Variants in KANK3 observed in about 807,000 individuals in gnomAD.
The protein encoded by KANK3 is KN motif and ankyrin repeat domains 3, also known as KN motif and ankyrin repeat domain-containing protein 3.
A neutral mutation model predicts 65.4 loss-of-function variants in KANK3; 61 were observed. The observed-to-expected ratio is 0.93, with a 90% CI of 0.76 to 1.15. KANK3 has a LOEUF of 1.15. Among genes scored for constraint, KANK3 ranks in the 50% most tolerant of loss-of-function variants. KANK3 has a pLI of 0.00. For missense variants in KANK3, 1,187 were observed against 1,178.8 expected (o/e 1.01, Z -0.10); for synonymous variants, 586 against 543.3 (o/e 1.08, Z -1.09).
chr19:8,333,002 C>G lies in KANK3; in HGVS notation c.1936+12G>C. ...TTTCCTGGTGTCCCACCCACCCTCCCTTGGCTCTGACCCGTATCCAGGAGC... is the reference window on the plus strand; with the variant it reads ...TTTCCTGGTGTCCCACCCACCCTCCGTTGGCTCTGACCCGTATCCAGGAGC... On this transcript the variant is annotated intron_variant, in intron 7 of 10. Coordinates refer to ENST00000330915, the MANE Select transcript of KANK3 (RefSeq NM_198471.3). This position sits in a 1 kb window ranked among gnomAD's most constrained non-coding sequence, Gnocchi z 5.0. The G allele has an allele frequency of 6.7e-7, 1 of 1,488,756 alleles. No individual in the cohort carries two copies. The highest frequency in any genetic ancestry group is 2.2e-4 in the Middle Eastern group (1 of 4,620). The allele number at this position is 1,488,756 out of a possible 1,614,324, so 92.2% of individuals were successfully genotyped here.
intron 4 of KANK3, 48 bp downstream of exon 4, chr19:8,334,272 C>T (rs1223527706): frequency 6.2e-7 from 1 of 1,609,264 alleles, no homozygotes; most frequent in South Asian, 1.1e-5. Context: ...GTTCCAACCC[C>T]AGTCTATGTC....
chr19:8,323,162 T>G (rs1436621358), intron 10 of KANK3: 1 of 354,846 alleles, frequency 2.8e-6, no homozygotes, highest in African/African-American at 2.1e-5. Flanking sequence ...GGTGAGTACA[T>G]CATAGGTTGA....
intron 7 of KANK3, 29 bp downstream of exon 7, chr19:8,332,985 T>TTTTTG: frequency 1.7e-6 from 1 of 585,690 alleles, no homozygotes; most frequent in Non-Finnish European, 3.2e-6. Context: ...CATTTCCTGG[T>TTTTTG]GTCCCACCCA....
At position 8,322,927 on chromosome 19, in the gene KANK3, AG is replaced by A; in HGVS notation, c.2383-6del. 5 of 1,151,974 alleles carry A rather than the reference AG, an allele frequency of 4.3e-6. No homozygotes were observed. The South Asian group carries it at 8.2e-5, about 19-fold the overall frequency. The allele number at this position is 1,151,974 out of a possible 1,614,324, so 71.4% of individuals were successfully genotyped here. A position where few individuals can be genotyped will look rare whatever the true frequency, so the allele number is the denominator to read the frequency against. On this transcript the variant is annotated splice_region_variant and splice_polypyrimidine_tract_variant and intron_variant, in intron 10 of 10. Transcript: ENST00000330915. ...GGAGCCAGGGGGTGACTCGCTCTGG[AG>A]AGAGGGGAAAAGAGGGGGGCCTGCT...
chr19:8,324,789 TC>T lies in KANK3; in HGVS notation c.2123del (p.Arg708HisfsTer15). On this transcript the variant is annotated frameshift_variant, in exon 9 of 11. Transcript: ENST00000330915. LOFTEE classifies it high-confidence loss of function. ...CCAGTAGGGTTGCCACCATGTCCTG[TC>T]GGCCATGGCTGATGGCCAGCATGAG... ...TALMLAISHG[R>X]QDMVATLLAC... 1 of 1,613,784 alleles carries T rather than the reference TC, an allele frequency of 6.2e-7. No individual in the cohort carries two copies. The highest frequency in any genetic ancestry group is 1.3e-5 in the African/African-American group (1 of 75,060).
At position 8,335,573 on chromosome 19, in the gene KANK3, C is replaced by A. The variant is rs1251186942; in HGVS notation, c.254G>T (p.Ser85Ile). Residue 85 changes from serine (S) to isoleucine (I), a missense_variant, in exon 3 of 11, where the codon AGC (serine) becomes ATC (isoleucine). Ser to Ile is a moderately radical substitution (Grantham distance 142). Coordinates refer to ENST00000330915, the MANE Select transcript of KANK3 (RefSeq NM_198471.3). The part of the protein sequence containing the change: ...APRPGLAGAR[S>I]PGAWTSSESL... ...CTCGCTGGATGTCCAGGCGCCTGGG[C>A]TACGTGCGCCCGCGAGGCCGGGCCG... 3.3e-6 allele frequency: 4 copies of A among 1,219,944 alleles called. No homozygotes were observed. The highest frequency in any genetic ancestry group is 2.1e-6 in the Non-Finnish European group (2 of 973,784). The allele number at this position is 1,219,944 out of a possible 1,614,324, so 75.6% of individuals were successfully genotyped here. A position where few individuals can be genotyped will look rare whatever the true frequency, so the allele number is the denominator to read the frequency against.
In KANK3 at chr19:8,324,750, A is replaced by G. The variant is rs1311266378; in HGVS notation, c.2163T>C (p.Asp721=). Residue 721 remains aspartate (D), a synonymous_variant, in exon 9 of 11, where the codon GAT becomes GAC. Coordinates refer to ENST00000330915, the MANE Select transcript of KANK3 (RefSeq NM_198471.3). ...CCCCATCCGCATCCTGCGCATTCAC[A>G]TCAGCCCCACACGCCAGTAGGGTTG... ...MVATLLACGA[D]VNAQDADGAT... The G allele has an allele frequency of 1.2e-6, 2 of 1,613,898 alleles. No homozygotes were observed. Among genetic ancestry groups the G allele is most frequent in the African/African-American group, 1.3e-5 (1 of 74,934 alleles).
chr19:8,340,539 A>G (rs1397281546), intron 1 of KANK3, among the ~76,000 whole-genome samples: 2 of 150,878 alleles, frequency 1.3e-5, no homozygotes, highest in Non-Finnish European at 3.0e-5. Flanking sequence ...TGCCAAACCC[A>G]CTTCATCCTC....
chr19:8,333,031 C>T lies in KANK3; in HGVS notation c.1919G>A (p.Ser640Asn), dbSNP rs1970556011. The T allele has an allele frequency of 6.2e-6, 9 of 1,444,242 alleles. No individual in the cohort carries two copies. The highest frequency in any genetic ancestry group is 1.9e-5 in the Admixed American group (1 of 51,768). 89.5% of individuals were successfully genotyped at this position (1,444,242 alleles called of 1,614,324 possible). The change falls in exon 7 of 11, where the codon AGC (serine) becomes AAC (asparagine). Residue 640 changes from serine (S) to asparagine (N), a missense_variant. Ser to Asn is a conservative substitution (Grantham distance 46). This residue lies in a region of KANK3 where 1,078 missense variants were observed against 1,038.2 expected (regional missense o/e 1.04). Transcript: ENST00000330915. This position sits in a 1 kb window ranked among gnomAD's most constrained non-coding sequence, Gnocchi z 5.0. The part of the protein sequence containing the change: ...SVSHGNLAIA[S>N]LLLDTGACEV... ...GCTCTGACCCGTATCCAGGAGCAGGCTTGCGATGGCCAGGTTCCCGTGGGA... is the reference window on the plus strand; with the variant it reads ...GCTCTGACCCGTATCCAGGAGCAGGTTTGCGATGGCCAGGTTCCCGTGGGA...
intron 7 of KANK3, among the ~76,000 whole-genome samples, chr19:8,328,784 A>G (rs557657900): frequency 3.6e-4 from 55 of 152,172 alleles, no homozygotes; most frequent in African/African-American, 1.3e-3. Context: ...TCTGGGGCTG[A>G]TGTTATACCT....
At position 8,336,411 on chromosome 19, in the gene KANK3, T is replaced by C. The variant is rs1370539317; in HGVS notation, c.35-619A>G. ...GAGATCGCACCAATGCACTCCAGCC[T>C]GGGCGACAGAAGAGAACCTCTCAAA... On this transcript the variant is annotated intron_variant, in intron 2 of 10. Transcript: ENST00000330915. Among the ~76,000 whole-genome samples the C allele has an allele frequency of 8.7e-5, 12 of 137,414 alleles. 1 individual carries two copies. Among genetic ancestry groups the C allele is most frequent in the African/African-American group, 2.8e-4 (10 of 35,156 alleles). The allele number at this position is 137,414 out of a possible 152,430, so 90.1% of individuals were successfully genotyped here. A position where few individuals can be genotyped will look rare whatever the true frequency, so the allele number is the denominator to read the frequency against.
intron 10 of KANK3, among the ~76,000 whole-genome samples, chr19:8,323,972 T>G (rs1329448894): frequency 6.6e-6 from 1 of 152,172 alleles, no homozygotes; most frequent in Non-Finnish European, 1.5e-5. Context: ...TTTCCTTTGA[T>G]AAGAGCCTCC....
At position 8,328,691 on chromosome 19, in the gene KANK3, G is replaced by A. The variant is rs940010779; in HGVS notation, c.1937-3595C>T. Among the ~76,000 whole-genome samples, 10 of 152,100 alleles carry A rather than the reference G, an allele frequency of 6.6e-5. 1 individual carries two copies. Among genetic ancestry groups the A allele is most frequent in the Admixed American group, 6.6e-5 (1 of 15,244 alleles). On this transcript the variant is annotated intron_variant, in intron 7 of 10. Transcript: ENST00000330915. The stretch of plus-strand genomic sequence containing the variant: ...GTTGGGGAATGGGAGCCTGTGAGCC[G>A]AGAAGCTGGGAGGTGAGGGTCGGGA...
chr19:8,339,060 T>C (rs1317929490), intron 1 of KANK3, among the ~76,000 whole-genome samples: 2 of 152,076 alleles, frequency 1.3e-5, no homozygotes, highest in African/African-American at 4.8e-5. Context: ...GGCTTGATCC[T>C]TGGCTTGTAA....
chr19:8,333,088 C>T lies in KANK3; in HGVS notation c.1862G>A (p.Gly621Asp), dbSNP rs534349032. The change falls in exon 7 of 11, where the codon GGC (glycine) becomes GAC (aspartate). Residue 621 changes from glycine (G) to aspartate (D), a missense_variant. This residue lies in a region of KANK3 where 1,078 missense variants were observed against 1,038.2 expected (regional missense o/e 1.04). Coordinates refer to ENST00000330915, the MANE Select transcript of KANK3 (RefSeq NM_198471.3). This position sits in a 1 kb window ranked among gnomAD's most constrained non-coding sequence, Gnocchi z 5.0. ...LLAHVVNLADGNGNTALHYSV... is the reference protein window; with the variant it reads ...LLAHVVNLADDNGNTALHYSV... ...GTAGTGCAGGGCCGTGTTCCCGTTG[C>T]CATCCGCCAGGTTCACCACGTGCGC... 12 of 1,590,708 alleles carry T rather than the reference C, an allele frequency of 7.5e-6. No homozygotes were observed. The South Asian group carries it at 1.1e-4, about 15-fold the overall frequency.
intron 1 of KANK3, chr19:8,338,098 T>C (rs1267062179): frequency 2.3e-6 from 1 of 426,810 alleles, no homozygotes; most frequent in Non-Finnish European, 3.1e-6. Flanking sequence ...CTCGGCTCAT[T>C]GCAGCCTCCC....
intron 1 of KANK3, among the ~76,000 whole-genome samples, chr19:8,341,948 C>T (rs2145445555): frequency 6.6e-6 from 1 of 152,272 alleles, no homozygotes; most frequent in African/African-American, 2.4e-5. Context: ...GGTTTTAAAC[C>T]CAGGCAGGTC....
In KANK3 at chr19:8,329,492, C is replaced by CAAAAAAAAA. The variant is rs59607185; in HGVS notation, c.1936+3513_1936+3521dup. 1.6e-3 allele frequency among the ~76,000 whole-genome samples: 81 copies of CAAAAAAAAA among 51,120 alleles called. 4 individuals carry two copies. Among genetic ancestry groups the CAAAAAAAAA allele is most frequent in the African/African-American group, 2.3e-3 (32 of 13,764 alleles). 33.5% of individuals were successfully genotyped at this position (51,120 alleles called of 152,430 possible). A position where few individuals can be genotyped will look rare whatever the true frequency, so the allele number is the denominator to read the frequency against. ...CAGGCAACAGAGCAAGACTCGGCCT[C>CAAAAAAAAA]AAAAAAAAAAAAAAAAAAAAAAAAA... is the stretch of plus-strand genomic sequence containing the variant. On this transcript the variant is annotated intron_variant, in intron 7 of 10. Coordinates refer to ENST00000330915, the MANE Select transcript of KANK3 (RefSeq NM_198471.3).
intron 7 of KANK3, among the ~76,000 whole-genome samples, chr19:8,326,944 C>T (rs549445190): frequency 2.6e-5 from 4 of 152,148 alleles, no homozygotes; most frequent in South Asian, 2.1e-4. Context: ...GAAACACAAA[C>T]GTGAGCTCAG....
Sources: allele counts gnomAD v4.1 joint callset (sites outside exome capture counted in the v4.1 genomes callset), GRCh38; gene constraint gnomAD v4.1.1; regional missense constraint gnomAD v4.1.1; non-coding constraint Gnocchi (gnomAD v3.1); transcripts MANE v1.5; gene names NCBI Gene and HGNC (gene_info 2026-07-23, HGNC 2026-07-21).